The following FOXN3 variants were observed in gnomAD, a reference collection of about 807,000 sequenced individuals.
FOXN3 encodes forkhead box protein N3.
In FOXN3, 7 loss-of-function variants were observed where a neutral mutation model predicts 38.4. That is an observed-to-expected ratio of 0.18 (90% CI 0.10 to 0.34). The LOEUF is 0.34. FOXN3 is among the 10% of genes least tolerant of loss of function. The pLI, the probability that FOXN3 is intolerant of heterozygous loss-of-function variation, is 1.00. For synonymous variants in FOXN3, 230 were observed against 242.2 expected (o/e 0.95, Z 0.47); for missense variants, 456 against 613.4 (o/e 0.74, Z 2.71).
Position 89,520,479 on chromosome 14 carries a change from T to C in FOXN3, c.-15+98549A>G, listed in dbSNP as rs1426817913. On this transcript the variant is annotated intron_variant, in intron 1 of 6. Coordinates refer to the FOXN3 transcript ENST00000345097. ...ACCATGAAAGTTAGAAATAGAAAGATGAAATCCCAGAAAAGGGAGTCTGAG... is the reference window on the plus strand; with the variant it reads ...ACCATGAAAGTTAGAAATAGAAAGACGAAATCCCAGAAAAGGGAGTCTGAG... Among the ~76,000 whole-genome samples, 3 of 152,110 alleles carry C rather than the reference T, an allele frequency of 2.0e-5. No homozygotes were observed. In the South Asian group the frequency reaches 6.2e-4, roughly 32 times the overall value.
chr14:89,387,266 T>C (rs1239181518), intron 2 of FOXN3, among the ~76,000 whole-genome samples: 1 of 151,936 alleles, frequency 6.6e-6, no homozygotes. Flanking sequence ...AATCAATCAA[T>C]CAATCAATCA....
In FOXN3 at chr14:89,446,417, G is replaced by A. The variant is rs994244031; in HGVS notation, c.-14-33927C>T. ...TTGGCCAGGCTGGTCTCAAACTCCT[G>A]ACCTCAAGTGACCCGCCTGTCTTGG... On this transcript the variant is annotated intron_variant, in intron 1 of 6. Transcript: ENST00000345097. 4.1e-4 allele frequency among the ~76,000 whole-genome samples: 63 copies of A among 151,922 alleles called. 1 individual carries two copies. Among genetic ancestry groups the A allele is most frequent in the Admixed American group, 3.3e-4 (5 of 15,256 alleles).
chr14:89,293,700 C>T (rs1196617067), intron 3 of FOXN3, among the ~76,000 whole-genome samples: 1 of 152,132 alleles, frequency 6.6e-6, no homozygotes, highest in African/African-American at 2.4e-5. Flanking sequence ...GAAGTAAGGG[C>T]ACATTCTGAG....
chr14:89,233,829 T>C (rs988756512), intron 4 of FOXN3, among the ~76,000 whole-genome samples: 2 of 152,282 alleles, frequency 1.3e-5, no homozygotes, highest in African/African-American at 4.8e-5. Context: ...AGAGGAGGAG[T>C]TGGAGTAAAT....
intron 1 of FOXN3, among the ~76,000 whole-genome samples, chr14:89,445,105 G>A (rs117019830): frequency 0.022 from 3,357 of 151,510 alleles, 37 homozygotes; most frequent in Middle Eastern, 0.037. Flanking sequence ...CTACCTAGGC[G>A]ACAGAACAAG....
intron 5 of FOXN3, among the ~76,000 whole-genome samples, chr14:89,171,929 C>A (rs61356814): frequency 2.6e-5 from 4 of 152,030 alleles, no homozygotes; most frequent in African/African-American, 9.7e-5. Flanking sequence ...AAAACCCCAC[C>A]AGTATTGACA....
In FOXN3 at chr14:89,334,771, C is replaced by T. The variant is rs565446916; in HGVS notation, c.680+15901G>A. 2.7e-5 allele frequency among the ~76,000 whole-genome samples: 4 copies of T among 146,258 alleles called. No individual in the cohort carries two copies. The East Asian group carries it at 7.7e-4, about 28-fold the overall frequency. Reference sequence around the variant, plus strand: ...TGTTTGTTTTGTTTTGAGACAGAATCTTGCTCCTTGTTTTGAGACAGAATC... The same window carrying T: ...TGTTTGTTTTGTTTTGAGACAGAATTTTGCTCCTTGTTTTGAGACAGAATC... On this transcript the variant is annotated intron_variant, in intron 3 of 5. Coordinates refer to ENST00000557258, the MANE Select transcript of FOXN3 (RefSeq NM_005197.4).
intron 3 of FOXN3, among the ~76,000 whole-genome samples, chr14:89,338,656 T>G (rs531618794): frequency 6.6e-6 from 1 of 152,070 alleles, no homozygotes; most frequent in East Asian, 1.9e-4. Flanking sequence ...TAGTCAGGTG[T>G]GGTGATGGGT....
intron 3 of FOXN3, among the ~76,000 whole-genome samples, chr14:89,292,799 G>GCGGT (rs1465456357): frequency 2.0e-5 from 3 of 152,136 alleles, no homozygotes; most frequent in Non-Finnish European, 4.4e-5. Context: ...ACTAAGACGA[G>GCGGT]CGGTCACTGC....
At chr14:89,337,636 CTT>C (rs5810454) in intron 3 of FOXN3, among the ~76,000 whole-genome samples, 1 of 144,852 alleles carries the variant, frequency 6.9e-6, no homozygotes, top group African/African-American at 2.5e-5. Context: ...CTTTTCTTTT[CTT>C]TTTTTTTTTT....
At chr14:89,227,836 T>C (rs1469895951) in intron 4 of FOXN3, among the ~76,000 whole-genome samples, 3 of 152,188 alleles carry the variant, frequency 2.0e-5, no homozygotes, top group African/African-American at 7.2e-5. Flanking sequence ...CCCCAGCTGA[T>C]AGCCACCAAA....
chr14:89,390,372 C>G (rs1890910165), intron 2 of FOXN3, among the ~76,000 whole-genome samples: 1 of 143,534 alleles, frequency 7.0e-6, no homozygotes, highest in African/African-American at 2.5e-5. Flanking sequence ...TAATTTAATA[C>G]ATATAATTTT....
chr14:89,357,358 A>G (rs1889273111), intron 2 of FOXN3, among the ~76,000 whole-genome samples: 1 of 152,110 alleles, frequency 6.6e-6, no homozygotes, highest in South Asian at 2.1e-4. Context: ...TGTAATCCCA[A>G]CACTTCAGGA....
At chr14:89,494,630 T>C (rs892204027) in intron 1 of FOXN3, among the ~76,000 whole-genome samples, 3 of 152,230 alleles carry the variant, frequency 2.0e-5, no homozygotes, top group Admixed American at 1.3e-4. Context: ...AAAGATGCTA[T>C]CAGAAATGTA....
intron 1 of FOXN3, among the ~76,000 whole-genome samples, chr14:89,511,242 CTTTCTTTTCTTTCTTT>C (rs1566681224): frequency 0.022 from 395 of 17,618 alleles, 66 homozygotes; most frequent in African/African-American, 0.037. Flanking sequence ...CTTTCCTTTT[CTTTCTTTTCTTTCTTT>C]CTTTCTTTCT....
At chr14:89,498,158 G>T (rs977109611) in intron 1 of FOXN3, among the ~76,000 whole-genome samples, 1 of 147,656 alleles carries the variant, frequency 6.8e-6, no homozygotes, top group Non-Finnish European at 1.5e-5. Context: ...TCAAATATAC[G>T]ATTTGCAAGT....
At chr14:89,452,151 G>A (rs994460532) in intron 1 of FOXN3, among the ~76,000 whole-genome samples, 1 of 152,134 alleles carries the variant, frequency 6.6e-6, no homozygotes, top group Non-Finnish European at 1.5e-5. Context: ...GGGGAAAGCA[G>A]GGACCCTGTG....
At chr14:89,304,603 A>C (rs1596168860) in intron 3 of FOXN3, among the ~76,000 whole-genome samples, 1 of 152,172 alleles carries the variant, frequency 6.6e-6, no homozygotes, top group African/African-American at 2.4e-5. Flanking sequence ...TTCATTTGAT[A>C]CCTTATGTTG....
chr14:89,438,223 C>T (rs1413427365), intron 1 of FOXN3, among the ~76,000 whole-genome samples: 2 of 152,260 alleles, frequency 1.3e-5, no homozygotes, highest in Non-Finnish European at 2.9e-5. Flanking sequence ...CAAGTCTCCT[C>T]ACTCCCACTG....
Sources: gnomAD v4.1 joint callset for allele counts (sites outside exome capture counted in the v4.1 genomes callset) on GRCh38, gnomAD v4.1.1 for gene constraint, MANE v1.5 for transcripts, NCBI Gene and HGNC (gene_info 2026-07-23, HGNC 2026-07-21) for gene names.